Variants in CSMD1 observed in about 807,000 individuals in gnomAD.
CSMD1 encodes CUB and sushi domain-containing protein 1.
Under a neutral mutation model 417.5 loss-of-function variants are expected in CSMD1, and 213 were observed. The ratio of observed to expected loss-of-function variants is 0.51; its 90% CI spans 0.46 to 0.57. The LOEUF (loss-of-function observed/expected upper bound fraction) is 0.57. CSMD1 is among the 20% of genes least tolerant of loss of function. The pLI, the probability that CSMD1 is intolerant of heterozygous loss-of-function variation, is 0.00. For missense variants in CSMD1, 6,923 were observed against 4,529.7 expected (o/e 1.53, Z -15.17); for synonymous variants, 2,862 against 1,736.8 (o/e 1.65, Z -16.11).
rs1235481776 is a variant in CSMD1 at position 3,502,785 on chromosome 8, A to G, written c.1345-9059T>C. On this transcript the variant is annotated intron_variant, in intron 10 of 69. Transcript: ENST00000635120. Reference sequence around the variant, plus strand: ...TCTGTGTGATGTTATAATGGTGGACACTGACTTTATACAGTTGCCCAAATC... The same window carrying G: ...TCTGTGTGATGTTATAATGGTGGACGCTGACTTTATACAGTTGCCCAAATC... 1.1e-4 allele frequency among the ~76,000 whole-genome samples: 16 copies of G among 152,320 alleles called. No homozygotes were observed. The East Asian group carries it at 3.1e-3, about 29-fold the overall frequency.
intron 1 of CSMD1, among the ~76,000 whole-genome samples, chr8:4,945,886 C>G (rs1808335958): frequency 6.6e-6 from 1 of 152,142 alleles, no homozygotes; most frequent in Admixed American, 6.5e-5. Context: ...CACAGAAACT[C>G]CTGAATAATA....
At chr8:3,793,112 G>T (rs895639668) in intron 5 of CSMD1, among the ~76,000 whole-genome samples, 1 of 152,146 alleles carries the variant, frequency 6.6e-6, no homozygotes, top group African/African-American at 2.4e-5. Context: ...TCTCGAGGAG[G>T]ATACCCACAA....
At chr8:4,096,096 C>G (rs1563118241) in intron 3 of CSMD1, among the ~76,000 whole-genome samples, 1 of 152,008 alleles carries the variant, frequency 6.6e-6, no homozygotes. Flanking sequence ...TATCACAAGA[C>G]TGTTGTTGGA....
At chr8:3,117,109 C>T (rs566424452) in intron 42 of CSMD1, among the ~76,000 whole-genome samples, 57 of 152,190 alleles carry the variant, frequency 3.7e-4, no homozygotes, top group African/African-American at 1.3e-3. Flanking sequence ...CTCACTCTCT[C>T]GCCCAGGCTG....
intron 26 of CSMD1, among the ~76,000 whole-genome samples, 155 bp downstream of exon 26, chr8:3,283,989 A>T (rs535474539): frequency 6.6e-6 from 1 of 152,262 alleles, no homozygotes; most frequent in Non-Finnish European, 1.5e-5. Flanking sequence ...GGGGAAGAGA[A>T]CTCTTCTCTG....
chr8:4,847,754 C>T (rs1293575935), intron 1 of CSMD1, among the ~76,000 whole-genome samples: 1 of 149,276 alleles, frequency 6.7e-6, no homozygotes, highest in African/African-American at 2.5e-5. Context: ...GTCAGGTCTT[C>T]TATAGAATTC....
intron 23 of CSMD1, among the ~76,000 whole-genome samples, chr8:3,326,415 C>T (rs1806535281): frequency 3.3e-5 from 5 of 152,200 alleles, no homozygotes; most frequent in African/African-American, 1.2e-4. Flanking sequence ...AGGGTAGCCT[C>T]ACCTTGAAAC....
intron 6 of CSMD1, among the ~76,000 whole-genome samples, chr8:3,753,678 C>G (rs143791094): frequency 6.6e-6 from 1 of 152,096 alleles, no homozygotes; most frequent in African/African-American, 2.4e-5. Context: ...TAATAAATAG[C>G]TATTGATTAA....
intron 1 of CSMD1, among the ~76,000 whole-genome samples, chr8:4,758,800 A>C (rs192602548): frequency 1.1e-4 from 16 of 152,248 alleles, no homozygotes; most frequent in African/African-American, 3.9e-4. Flanking sequence ...GCATGGGAGA[A>C]CCTTCCCCCA....
At chr8:4,867,375 A>C (rs754629577) in intron 1 of CSMD1, among the ~76,000 whole-genome samples, 4 of 152,128 alleles carry the variant, frequency 2.6e-5, no homozygotes, top group Non-Finnish European at 5.9e-5. Context: ...GTTGGCCAAC[A>C]CTTAATTATT....
intron 6 of CSMD1, among the ~76,000 whole-genome samples, chr8:3,749,989 T>C (rs1797253064): frequency 6.6e-6 from 1 of 152,174 alleles, no homozygotes; most frequent in African/African-American, 2.4e-5. Flanking sequence ...TCTAAAACGG[T>C]CATATCAATT....
chr8:3,897,916 C>T (rs1342532568), intron 5 of CSMD1, among the ~76,000 whole-genome samples: 2 of 152,136 alleles, frequency 1.3e-5, no homozygotes, highest in African/African-American at 4.8e-5. Flanking sequence ...GTGGATGATA[C>T]AGTGTATGTT....
At chr8:4,871,192 C>G (rs1237553754) in intron 1 of CSMD1, among the ~76,000 whole-genome samples, 1 of 152,088 alleles carries the variant, frequency 6.6e-6, no homozygotes, top group Non-Finnish European at 1.5e-5. Flanking sequence ...ATGAGTATTT[C>G]CATAGGATTT....
chr8:3,593,074 G>C (rs1039293307), intron 8 of CSMD1, among the ~76,000 whole-genome samples: 3 of 152,210 alleles, frequency 2.0e-5, no homozygotes, highest in African/African-American at 7.2e-5. Context: ...CCAGTGAGAA[G>C]GAATGGAGCT....
intron 3 of CSMD1, among the ~76,000 whole-genome samples, chr8:4,408,160 A>G (rs1044344154): frequency 6.6e-6 from 1 of 152,238 alleles, no homozygotes; most frequent in African/African-American, 2.4e-5. Flanking sequence ...TTAAATGACT[A>G]CCAAAGCTTA....
chr8:4,405,367 G>C (rs1168798814), intron 3 of CSMD1, among the ~76,000 whole-genome samples: 1 of 151,662 alleles, frequency 6.6e-6, no homozygotes, highest in Non-Finnish European at 1.5e-5. Context: ...AAATGGTTTA[G>C]ATTCTGGCAC....
At chr8:3,508,085 G>C (rs1483900974) in intron 10 of CSMD1, among the ~76,000 whole-genome samples, 1 of 152,148 alleles carries the variant, frequency 6.6e-6, no homozygotes, top group Non-Finnish European at 1.5e-5. Flanking sequence ...CCTTGCCCAT[G>C]CCTATGTCCT....
intron 5 of CSMD1, among the ~76,000 whole-genome samples, chr8:3,941,403 A>C (rs1233619221): frequency 1.3e-5 from 2 of 152,144 alleles, no homozygotes; most frequent in Admixed American, 1.3e-4. Flanking sequence ...CAAAAGTTTA[A>C]AATTGTAAAT....
intron 3 of CSMD1, among the ~76,000 whole-genome samples, chr8:4,095,836 T>A (rs1290887800): frequency 6.6e-6 from 1 of 152,226 alleles, no homozygotes; most frequent in Non-Finnish European, 1.5e-5. Flanking sequence ...TGCATTGGAA[T>A]GTATTTAAAA....
Sources: gnomAD v4.1 joint callset for allele counts (sites outside exome capture counted in the v4.1 genomes callset) on GRCh38, gnomAD v4.1.1 for gene constraint, MANE v1.5 for transcripts, NCBI Gene and HGNC (gene_info 2026-07-23, HGNC 2026-07-21) for gene names.